Variants in BOLL observed in about 807,000 individuals in gnomAD.
The protein encoded by BOLL is boule RNA binding protein.
Under a neutral mutation model 44.4 loss-of-function variants are expected in BOLL, and 23 were observed. The observed-to-expected ratio is 0.52, with a 90% CI of 0.37 to 0.73. BOLL has a LOEUF of 0.73. Among genes scored for constraint, BOLL ranks in the 30% least tolerant of loss-of-function variants. The pLI is 0.00. For missense variants in BOLL, 287 were observed against 338.3 expected (o/e 0.85, Z 1.19); for synonymous variants, 97 against 110.8 (o/e 0.88, Z 0.78).
chr2:197,751,510 TA>T (rs1688251766), intron 9 of BOLL, among the ~76,000 whole-genome samples: 1 of 152,046 alleles, frequency 6.6e-6, no homozygotes, highest in African/African-American at 2.4e-5. Context: ...GAGAATACTA[TA>T]AACACCTCTA....
intron 6 of BOLL, among the ~76,000 whole-genome samples, 191 bp downstream of exon 6, chr2:197,771,664 C>T (rs1373119403): frequency 6.6e-6 from 1 of 151,840 alleles, no homozygotes; most frequent in African/African-American, 2.4e-5. Flanking sequence ...GAGAATTGAC[C>T]TGAAGCTGTC....
chr2:197,773,492 G>A (rs755111438), intron 5 of BOLL, among the ~76,000 whole-genome samples: 3 of 151,834 alleles, frequency 2.0e-5, no homozygotes, highest in Non-Finnish European at 2.9e-5. Flanking sequence ...ATAAATACAT[G>A]AGGCATTATA....
At chr2:197,755,780 T>C (rs930110929) in intron 9 of BOLL, 6 of 152,156 alleles carry the variant, frequency 3.9e-5, no homozygotes, top group African/African-American at 1.4e-4. Context: ...AGATAGCTAA[T>C]GCATGCCAGG....
chr2:197,764,445 A>G (rs1021816752), intron 7 of BOLL, among the ~76,000 whole-genome samples: 2 of 152,246 alleles, frequency 1.3e-5, no homozygotes, highest in Non-Finnish European at 2.9e-5. Flanking sequence ...ACAGAAAGTT[A>G]AACAACACAT....
At chr2:197,760,820 A>T (rs1688722671) in intron 7 of BOLL, among the ~76,000 whole-genome samples, 1 of 152,218 alleles carries the variant, frequency 6.6e-6, no homozygotes, top group Middle Eastern at 3.4e-3. Context: ...AAAGAGAAAG[A>T]AAGAATTTTA....
At chr2:197,767,866 G>A (rs1689066259) in intron 6 of BOLL, among the ~76,000 whole-genome samples, 1 of 151,984 alleles carries the variant, frequency 6.6e-6, no homozygotes, top group Non-Finnish European at 1.5e-5. Context: ...TACATGTAAA[G>A]TTTAATGGTG....
At chr2:197,733,687 G>C (rs1163433338) in intron 10 of BOLL, among the ~76,000 whole-genome samples, 4 of 151,896 alleles carry the variant, frequency 2.6e-5, no homozygotes, top group Non-Finnish European at 5.9e-5. Context: ...TCTTTGACAA[G>C]CCTGAGAAAA....
intron 1 of BOLL, 99 bp downstream of exon 1, chr2:197,784,957 C>T: frequency 1.0e-6 from 1 of 985,990 alleles, no homozygotes; most frequent in Non-Finnish European, 1.2e-6. Context: ...AACTACTCCT[C>T]CAAAGCAATG....
In BOLL at chr2:197,753,494, T is replaced by A. The variant is rs1458288904; in HGVS notation, c.729+2934A>T. Reference sequence around the variant, plus strand: ...GGTGAAGGATATGAACAGACACTTCTCAAAAGAAGATATTTATGTGGCCAC... The same window carrying A: ...GGTGAAGGATATGAACAGACACTTCACAAAAGAAGATATTTATGTGGCCAC... On this transcript the variant is annotated intron_variant, in intron 9 of 10. Coordinates refer to ENST00000392296, the MANE Select transcript of BOLL (RefSeq NM_033030.6). Among the ~76,000 whole-genome samples the A allele has an allele frequency of 2.0e-5, 3 of 152,186 alleles. No individual in the cohort carries two copies. In the South Asian group the frequency reaches 6.2e-4, roughly 32 times the overall value.
intron 10 of BOLL, among the ~76,000 whole-genome samples, chr2:197,737,266 C>A (rs2106319005): frequency 6.6e-6 from 1 of 152,016 alleles, no homozygotes; most frequent in South Asian, 2.1e-4. Context: ...TCACAGAATC[C>A]ATATAATACA....
Position 197,731,405 on chromosome 2 carries a change from C to T in BOLL, c.829-2827G>A, listed in dbSNP as rs768032571. Among the ~76,000 whole-genome samples, 309 of 146,206 alleles carry T rather than the reference C, an allele frequency of 2.1e-3. 1 individual carries two copies. Among genetic ancestry groups the T allele is most frequent in the Middle Eastern group, 3.5e-3 (1 of 286 alleles). Reference sequence around the variant, plus strand: ...CCACTGTCAACATTAGACAGATCAACGAGACAGAAAGTCAACAAGGATACC... The same window carrying T: ...CCACTGTCAACATTAGACAGATCAATGAGACAGAAAGTCAACAAGGATACC... On this transcript the variant is annotated intron_variant, in intron 10 of 10. Coordinates refer to ENST00000392296, the MANE Select transcript of BOLL (RefSeq NM_033030.6).
intron 9 of BOLL, among the ~76,000 whole-genome samples, chr2:197,752,018 C>G (rs1412298775): frequency 6.6e-6 from 1 of 151,928 alleles, no homozygotes; most frequent in African/African-American, 2.4e-5. Context: ...GTAAATGTAA[C>G]CCATCACATA....
intron 5 of BOLL, chr2:197,774,100 C>T (rs1389655069): frequency 2.4e-6 from 1 of 408,436 alleles, no homozygotes. Flanking sequence ...TAACCCCATA[C>T]TTCTTAAAGT....
chr2:197,766,696 C>G lies in BOLL; in HGVS notation c.481-93G>C, dbSNP rs1489963406. On this transcript the variant is annotated intron_variant, in intron 6 of 10. Coordinates refer to ENST00000392296, the MANE Select transcript of BOLL (RefSeq NM_033030.6). ...CAAATTATTACCTAAACCCAGTAAA[C>G]TTCTGGTTTATGATTAGAAATATTA... 19 of 874,472 alleles carry G rather than the reference C, an allele frequency of 2.2e-5. No individual in the cohort carries two copies. In the South Asian group the frequency reaches 3.1e-4, roughly 14 times the overall value. 54.2% of individuals were successfully genotyped at this position (874,472 alleles called of 1,614,324 possible). A position where few individuals can be genotyped will look rare whatever the true frequency, so the allele number is the denominator to read the frequency against.
At chr2:197,736,216 A>G (rs1281965580) in intron 10 of BOLL, among the ~76,000 whole-genome samples, 4 of 152,170 alleles carry the variant, frequency 2.6e-5, no homozygotes, top group South Asian at 2.1e-4. Context: ...TCCCAAATTC[A>G]TACCCTTTAT....
rs1244349429 is a variant in BOLL, at chr2:197,785,128, G to T, written c.-88C>A. 1 of 985,866 alleles carries T rather than the reference G, an allele frequency of 1.0e-6. No homozygotes were observed. Among genetic ancestry groups the T allele is most frequent in the African/African-American group, 1.7e-5 (1 of 57,226 alleles). 61.1% of individuals were successfully genotyped at this position (985,866 alleles called of 1,614,324 possible). A position where few individuals can be genotyped will look rare whatever the true frequency, so the allele number is the denominator to read the frequency against. ...TTGCGGCACTGGGGGAAATGGCCGC[G>T]GCGACAACTTCCTCGAGTTCTCTCG... On this transcript the variant is annotated 5_prime_UTR_variant, in exon 1 of 11. Transcript: ENST00000392296. The surrounding 1 kb of genome is among the most constrained non-coding windows in gnomAD (Gnocchi z 6.7).
chr2:197,782,005 T>C (rs560865202), intron 1 of BOLL, 140 bp from the exon 2 acceptor site: 149 of 590,924 alleles, frequency 2.5e-4, no homozygotes, highest in African/African-American at 2.2e-3. Flanking sequence ...TTTAATATTA[T>C]AAAAATTATA....
Position 197,775,543 on chromosome 2 carries a change from G to A in BOLL, c.352+122C>T, listed in dbSNP as rs1689471306. 4.5e-6 allele frequency: 3 copies of A among 667,024 alleles called. No individual in the cohort carries two copies. The Admixed American group carries it at 9.9e-5, about 22-fold the overall frequency. 41.3% of individuals were successfully genotyped at this position (667,024 alleles called of 1,614,324 possible). On this transcript the variant is annotated intron_variant, in intron 5 of 10. Transcript: ENST00000392296. ...AATATTCAGTTTTTCCACCAACTTTGCTAAAATAACTTTATTAGATGAAAG... is the reference window on the plus strand; with the variant it reads ...AATATTCAGTTTTTCCACCAACTTTACTAAAATAACTTTATTAGATGAAAG...
chr2:197,733,549 T>C (rs1384494839), intron 10 of BOLL, among the ~76,000 whole-genome samples: 1 of 152,084 alleles, frequency 6.6e-6, no homozygotes, highest in African/African-American at 2.4e-5. Context: ...TCACGCTACC[T>C]GACTTCAAAC....
Sources: allele counts gnomAD v4.1 joint callset (sites outside exome capture counted in the v4.1 genomes callset), GRCh38; gene constraint gnomAD v4.1.1; non-coding constraint Gnocchi (gnomAD v3.1); transcripts MANE v1.5; gene names NCBI Gene and HGNC (gene_info 2026-07-23, HGNC 2026-07-21).